The following SLC35F3 variants were observed in gnomAD, a reference collection of about 807,000 sequenced individuals.
The protein encoded by SLC35F3 is putative thiamine transporter SLC35F3.
SLC35F3 carries 25 observed loss-of-function variants against 49.9 expected under a neutral mutation model. The observed-to-expected ratio is 0.50, with a 90% CI of 0.37 to 0.70. The LOEUF (loss-of-function observed/expected upper bound fraction) is 0.70, where lower values mean the gene tolerates loss of function less well. Ranked by LOEUF, SLC35F3 falls within the 30% of genes least tolerant of loss-of-function variation. The pLI, the probability that SLC35F3 is intolerant of heterozygous loss-of-function variation, is 0.00. For missense variants in SLC35F3, 525 were observed against 639.8 expected (o/e 0.82, Z 1.94); for synonymous variants, 275 against 265.4 (o/e 1.04, Z -0.35).
chr1:234,067,516 G>C (rs945332706), intron 2 of SLC35F3, among the ~76,000 whole-genome samples: 1 of 152,188 alleles, frequency 6.6e-6, no homozygotes, highest in Non-Finnish European at 1.5e-5. Flanking sequence ...CTCTGGGCTT[G>C]ATCAGCTGAC....
At chr1:234,246,522 G>A (rs1348350790) in intron 3 of SLC35F3, among the ~76,000 whole-genome samples, 1 of 152,240 alleles carries the variant, frequency 6.6e-6, no homozygotes, top group Non-Finnish European at 1.5e-5. Flanking sequence ...GCTGCCAAAT[G>A]ATAAGAGCAA....
intron 2 of SLC35F3, among the ~76,000 whole-genome samples, chr1:234,215,718 CAG>C (rs1388443152): frequency 6.6e-6 from 1 of 152,202 alleles, no homozygotes; most frequent in Non-Finnish European, 1.5e-5. Flanking sequence ...GAGGACAAGA[CAG>C]AGGCTGGCTT....
chr1:234,140,676 C>T (rs1423856147), intron 2 of SLC35F3, among the ~76,000 whole-genome samples: 27 of 152,120 alleles, frequency 1.8e-4, no homozygotes, highest in Admixed American at 1.7e-3. Flanking sequence ...GGGGGATGCT[C>T]ATAATAAAAA....
intron 2 of SLC35F3, among the ~76,000 whole-genome samples, chr1:233,997,644 C>T (rs1196036515): frequency 6.6e-6 from 1 of 152,180 alleles, no homozygotes; most frequent in Non-Finnish European, 1.5e-5. Context: ...TTCCTTCTTG[C>T]ACCACAATAC....
intron 2 of SLC35F3, among the ~76,000 whole-genome samples, chr1:234,058,091 C>G (rs1199772422): frequency 1.3e-5 from 2 of 151,880 alleles, no homozygotes; most frequent in African/African-American, 2.4e-5. Context: ...GCATACATAC[C>G]CTTATCAGGG....
chr1:234,230,563 T>C (rs1330878443), intron 2 of SLC35F3, among the ~76,000 whole-genome samples: 1 of 152,210 alleles, frequency 6.6e-6, no homozygotes, highest in Non-Finnish European at 1.5e-5. Flanking sequence ...TCCAGCTGAC[T>C]GACACGCACA....
At chr1:233,949,099 A>T (rs1002555195) in intron 2 of SLC35F3, among the ~76,000 whole-genome samples, 1 of 152,002 alleles carries the variant, frequency 6.6e-6, no homozygotes. Flanking sequence ...ATCATGTAGG[A>T]TCATGCCCAT....
chr1:234,164,095 T>G lies in SLC35F3; in HGVS notation c.284-67322T>G, dbSNP rs76478640. The stretch of plus-strand genomic sequence containing the variant: ...AGAAATAGCTCTGTCTCTCTCCCTC[T>G]CTCTCTTTCTCTCTCTCTCCTCTAC... On this transcript the variant is annotated intron_variant, in intron 2 of 7. Coordinates refer to ENST00000366618, the MANE Select transcript of SLC35F3 (RefSeq NM_173508.4). Among the ~76,000 whole-genome samples the G allele has an allele frequency of 7.2e-3, 1,099 of 151,644 alleles. 19 individuals are homozygous for G. The highest frequency in any genetic ancestry group is 0.025 in the African/African-American group (1,041 of 41,344).
chr1:234,107,569 A>G (rs1247405450), intron 2 of SLC35F3, among the ~76,000 whole-genome samples: 1 of 152,122 alleles, frequency 6.6e-6, no homozygotes, highest in Admixed American at 6.5e-5. Context: ...CTAGTTCACT[A>G]TCATGTGTAT....
intron 3 of SLC35F3, among the ~76,000 whole-genome samples, 191 bp from the exon 4 acceptor site, chr1:234,308,910 C>T (rs1657277340): frequency 1.3e-5 from 2 of 151,848 alleles, no homozygotes; most frequent in South Asian, 2.1e-4. Context: ...GATCACTGTG[C>T]AACATTTGTT....
At chr1:234,272,899 G>A (rs994437173) in intron 3 of SLC35F3, among the ~76,000 whole-genome samples, 1 of 152,048 alleles carries the variant, frequency 6.6e-6, no homozygotes, top group African/African-American at 2.4e-5. Context: ...TGTGCCATGG[G>A]GTCAGCACAG....
chr1:234,303,595 G>C (rs991355089), intron 3 of SLC35F3, among the ~76,000 whole-genome samples: 1 of 152,166 alleles, frequency 6.6e-6, no homozygotes, highest in Admixed American at 6.5e-5. Flanking sequence ...CTCCACCTTT[G>C]ATTGATAATT....
chr1:234,025,419 A>G (rs1214860835), intron 2 of SLC35F3, among the ~76,000 whole-genome samples: 1 of 152,240 alleles, frequency 6.6e-6, no homozygotes, highest in Non-Finnish European at 1.5e-5. Context: ...TGACTGAACT[A>G]GTTTACATTT....
At chr1:234,155,397 T>C (rs1666136007) in intron 2 of SLC35F3, among the ~76,000 whole-genome samples, 2 of 146,864 alleles carry the variant, frequency 1.4e-5, no homozygotes, top group Admixed American at 6.6e-5. Flanking sequence ...ATTCACCTGA[T>C]TATTATTATT....
intron 2 of SLC35F3, among the ~76,000 whole-genome samples, chr1:234,098,288 ATGG>A (rs1183230091): frequency 1.1e-5 from 1 of 95,146 alleles, no homozygotes; most frequent in African/African-American, 4.3e-5. Flanking sequence ...GGCAGTTCAG[ATGG>A]TGGTAGTGAT....
At chr1:234,308,952 T>G in intron 3 of SLC35F3, 149 bp from the exon 4 acceptor site, 1 of 622,822 alleles carries the variant, frequency 1.6e-6, no homozygotes. Context: ...TTGAAGGGCT[T>G]TAATAGAAAG....
At chr1:234,228,817 G>A (rs1667325912) in intron 2 of SLC35F3, among the ~76,000 whole-genome samples, 1 of 152,076 alleles carries the variant, frequency 6.6e-6, no homozygotes, top group African/African-American at 2.4e-5. Context: ...TGATATCCCT[G>A]GGTGCTAACA....
chr1:234,305,751 C>T (rs896272612), intron 3 of SLC35F3, among the ~76,000 whole-genome samples: 7 of 152,114 alleles, frequency 4.6e-5, no homozygotes, highest in African/African-American at 9.7e-5. Flanking sequence ...AAAAAGTTTT[C>T]GTTTCCCACT....
At chr1:233,940,367 CACAG>C (rs1055913951) in intron 2 of SLC35F3, among the ~76,000 whole-genome samples, 21 of 122,092 alleles carry the variant, frequency 1.7e-4, no homozygotes, top group Admixed American at 5.7e-4. Context: ...CACACACACA[CACAG>C]AGAGAGAGAG....
Sources: gnomAD v4.1 joint callset for allele counts (sites outside exome capture counted in the v4.1 genomes callset) on GRCh38, gnomAD v4.1.1 for gene constraint, MANE v1.5 for transcripts, NCBI Gene and HGNC (gene_info 2026-07-23, HGNC 2026-07-21) for gene names.